The following SFMBT2 variants were observed in gnomAD, a reference collection of about 807,000 sequenced individuals.
SFMBT2 encodes Scm like with four mbt domains 2.
In SFMBT2, 38 loss-of-function variants were observed where a neutral mutation model predicts 110.1. The ratio of observed to expected loss-of-function variants is 0.35; its 90% CI spans 0.27 to 0.45. The LOEUF is 0.45. Ranked by LOEUF, SFMBT2 falls within the 20% of genes least tolerant of loss-of-function variation. The pLI, the probability that SFMBT2 is intolerant of heterozygous loss-of-function variation, is 1.00. For missense variants in SFMBT2, 1,011 were observed against 1,094.9 expected, an observed-to-expected ratio of 0.92 and a Z score of 1.08; for synonymous variants, 425 against 425.4, an observed-to-expected ratio of 1.00 and a Z score of 0.01.
chr10:7,348,597 G>A (rs1269873523), intron 4 of SFMBT2, among the ~76,000 whole-genome samples: 2 of 152,140 alleles, frequency 1.3e-5, no homozygotes, highest in African/African-American at 4.8e-5. Context: ...GGAAATACAG[G>A]TTGGCTACTG....
chr10:7,410,149 A>G (rs1223037916), intron 1 of SFMBT2, among the ~76,000 whole-genome samples: 2 of 152,256 alleles, frequency 1.3e-5, no homozygotes, highest in African/African-American at 2.4e-5. Context: ...GACAACCGGA[A>G]AGCCCCTAAG....
intron 15 of SFMBT2, among the ~76,000 whole-genome samples, chr10:7,196,366 T>C (rs1157486342): frequency 6.6e-6 from 1 of 152,234 alleles, no homozygotes; most frequent in Non-Finnish European, 1.5e-5. Context: ...CTTTCCTTTC[T>C]GAAACACACC....
Position 7,301,988 on chromosome 10 carries a change from C to T in SFMBT2, c.437-16034G>A, listed in dbSNP as rs552118389. Among the ~76,000 whole-genome samples, 54 of 152,202 alleles carry T rather than the reference C, an allele frequency of 3.5e-4. 2 individuals are homozygous for T. Among genetic ancestry groups the T allele is most frequent in the African/African-American group, 1.2e-3 (51 of 41,514 alleles). On this transcript the variant is annotated intron_variant, in intron 4 of 20. Coordinates refer to ENST00000397167, the MANE Select transcript of SFMBT2 (RefSeq NM_001387889.1). The surrounding 1 kb of genome is among the most constrained non-coding windows in gnomAD (Gnocchi z 4.2). ...TGTGGACTGGGGGAAGCACAGAGAC[C>T]GTCATAAGCCTCAATATGGTCCCAG...
rs531662139 is a variant in SFMBT2 at position 7,305,366 on chromosome 10, T to G, written c.437-19412A>C. On this transcript the variant is annotated intron_variant, in intron 4 of 20. Transcript: ENST00000397167. ...ATACATGAACAATAACTCAGCAGTG[T>G]CTCCCTCCCCGAGTTCCTGTATCCT... 2.7e-3 allele frequency among the ~76,000 whole-genome samples: 410 copies of G among 152,280 alleles called. 2 individuals are homozygous for G. The highest frequency in any genetic ancestry group is 0.013 in the South Asian group (64 of 4,828).
At position 7,372,204 on chromosome 10, in the gene SFMBT2, C is replaced by T. The variant is rs143921692; in HGVS notation, c.101-1829G>A. 2.0e-3 allele frequency among the ~76,000 whole-genome samples: 305 copies of T among 152,218 alleles called. 2 individuals are homozygous for T. The Middle Eastern group carries it at 0.02, about 10-fold the overall frequency. Reference sequence around the variant, plus strand: ...AAGTGCTGGGATTACAGGCGTGAGCCGCCACGCCCGGCCTTCTTGAAATTT... The same window carrying T: ...AAGTGCTGGGATTACAGGCGTGAGCTGCCACGCCCGGCCTTCTTGAAATTT... On this transcript the variant is annotated intron_variant, in intron 2 of 20. Transcript: ENST00000397167.
rs768660021 is a variant in SFMBT2 at position 7,172,518 on chromosome 10, C to T, written c.2128G>A (p.Asp710Asn). The T allele has an allele frequency of 6.2e-7, 1 of 1,614,156 alleles. No individual in the cohort carries two copies. The change falls in exon 18 of 21, where the codon GAC (aspartate) becomes AAC (asparagine). Residue 710 changes from aspartate (D) to asparagine (N), a missense_variant. Asp to Asn is a conservative substitution (Grantham distance 23). Around this residue, in one of 2 missense-constraint regions of SFMBT2, gnomAD observed 979 missense variants for 1,016.1 expected, o/e 0.96. Transcript: ENST00000397167. The surrounding 1 kb of genome is among the most constrained non-coding windows in gnomAD (Gnocchi z 4.6). The part of the protein sequence containing the change: ...VQKKRRSSAV[D>N]FTAGSGEESE... ...ACCTCCCCCGAGCCCGCGGTGAAGT[C>T]CACGGCAGAAGACCTCCGTTTCTTC...
Position 7,381,966 on chromosome 10 carries a change from A to C in SFMBT2, c.-51-17T>G, listed in dbSNP as rs1845437525. 2 of 1,431,754 alleles carry C rather than the reference A, an allele frequency of 1.4e-6. No homozygotes were observed. Among genetic ancestry groups the C allele is most frequent in the Non-Finnish European group, 1.9e-6 (2 of 1,072,376 alleles). The allele number at this position is 1,431,754 out of a possible 1,614,324, so 88.7% of individuals were successfully genotyped here. A position where few individuals can be genotyped will look rare whatever the true frequency, so the allele number is the denominator to read the frequency against. On this transcript the variant is annotated splice_polypyrimidine_tract_variant and intron_variant, in intron 1 of 20. Coordinates refer to ENST00000397167, the MANE Select transcript of SFMBT2 (RefSeq NM_001387889.1). ...AAAAATTACCTAAGAGCAATCAAAA[A>C]AAAAAAAATCAGAGCAGTTTAATCA...
chr10:7,375,825 C>A (rs1245947030), intron 2 of SFMBT2, among the ~76,000 whole-genome samples: 3 of 150,960 alleles, frequency 2.0e-5, no homozygotes, highest in Non-Finnish European at 4.4e-5. Context: ...GGGGAAGCCA[C>A]AGCTATTCAA....
At chr10:7,351,634 A>C (rs12261389) in intron 4 of SFMBT2, among the ~76,000 whole-genome samples, 11,596 of 152,246 alleles carry the variant, frequency 0.076, 1,048 homozygotes, top group African/African-American at 0.22. Context: ...GATCAGTTAT[A>C]CATAAACAAT....
intron 20 of SFMBT2, among the ~76,000 whole-genome samples, chr10:7,165,029 T>C (rs1837660557): frequency 6.6e-6 from 1 of 152,172 alleles, no homozygotes; most frequent in South Asian, 2.1e-4. Flanking sequence ...AGTAATCTGG[T>C]TCATTCACAT....
At chr10:7,229,131 G>A (rs10795533) in intron 9 of SFMBT2, among the ~76,000 whole-genome samples, 70,657 of 151,912 alleles carry the variant, frequency 0.47, 17,299 homozygotes, top group East Asian at 0.86. Context: ...TCTACATGAA[G>A]TAAATCTCTA....
Position 7,370,326 on chromosome 10 carries a change from C to T in SFMBT2, c.150G>A (p.Leu50=), listed in dbSNP as rs763002972. ...EETGFNWGEY[L]EETGASAAPH... is the part of the protein sequence containing the mutation. ...GAGCAGCACTTGCTCCTGTCTCTTC[C>T]AAATATTCTCCCCAGTTAAAGCCAG... Residue 50 remains leucine (L), a synonymous_variant, in exon 3 of 21, where the codon TTG becomes TTA. Coordinates refer to ENST00000397167, the MANE Select transcript of SFMBT2 (RefSeq NM_001387889.1). The T allele has an allele frequency of 3.7e-6, 6 of 1,614,082 alleles. No homozygotes were observed. The South Asian group carries it at 6.6e-5, about 18-fold the overall frequency.
At chr10:7,314,123 A>G (rs1198681295) in intron 4 of SFMBT2, among the ~76,000 whole-genome samples, 1 of 152,242 alleles carries the variant, frequency 6.6e-6, no homozygotes, top group African/African-American at 2.4e-5. Flanking sequence ...TAGTTAGAAC[A>G]TTTAGTAAGA....
At chr10:7,281,122 T>C (rs948325516) in intron 6 of SFMBT2, among the ~76,000 whole-genome samples, 3 of 152,070 alleles carry the variant, frequency 2.0e-5, no homozygotes, top group African/African-American at 7.2e-5. Flanking sequence ...GGCACATGCC[T>C]GTAGTTCCAG....
At chr10:7,229,961 C>T (rs1840066711) in intron 9 of SFMBT2, among the ~76,000 whole-genome samples, 1 of 151,836 alleles carries the variant, frequency 6.6e-6, no homozygotes. Flanking sequence ...TTATGATCCA[C>T]CCACCTCAGC....
At chr10:7,327,150 A>T (rs1030503891) in intron 4 of SFMBT2, among the ~76,000 whole-genome samples, 3 of 152,130 alleles carry the variant, frequency 2.0e-5, no homozygotes, top group Non-Finnish European at 2.9e-5. Context: ...AAAAAAAAAA[A>T]AAAAGTTCTC....
chr10:7,314,470 C>T (rs1015335426), intron 4 of SFMBT2, among the ~76,000 whole-genome samples: 1 of 152,214 alleles, frequency 6.6e-6, no homozygotes, highest in Non-Finnish European at 1.5e-5. Context: ...ACAAGCACTA[C>T]CTGTAACATT....
intron 4 of SFMBT2, among the ~76,000 whole-genome samples, chr10:7,288,856 C>G (rs1005846893): frequency 8.4e-5 from 12 of 142,180 alleles, no homozygotes; most frequent in Admixed American, 6.8e-4. Flanking sequence ...TGGTGAAACC[C>G]CCCCCCCCAT....
chr10:7,361,555 C>T (rs1310156621), intron 4 of SFMBT2, among the ~76,000 whole-genome samples: 1 of 152,216 alleles, frequency 6.6e-6, no homozygotes, highest in Admixed American at 6.5e-5. Context: ...ACACTTTCTC[C>T]TCACACTTCA....
Sources: allele counts gnomAD v4.1 joint callset (sites outside exome capture counted in the v4.1 genomes callset), GRCh38; gene constraint gnomAD v4.1.1; regional missense constraint gnomAD v4.1.1; non-coding constraint Gnocchi (gnomAD v3.1); transcripts MANE v1.5; gene names NCBI Gene and HGNC (gene_info 2026-07-23, HGNC 2026-07-21).